The following NRG3 variants were observed in gnomAD, a reference collection of about 807,000 sequenced individuals.
NRG3 encodes pro-neuregulin-3, membrane-bound isoform.
A neutral mutation model predicts 66.9 loss-of-function variants in NRG3; 31 were observed. The observed-to-expected ratio is 0.46, with a 90% CI of 0.35 to 0.63. The LOEUF is 0.63. Among genes scored for constraint, NRG3 ranks in the 20% least tolerant of loss-of-function variants. NRG3 has a pLI of 0.00. For missense variants in NRG3, 910 were observed against 878.9 expected, an observed-to-expected ratio of 1.04 and a Z score of -0.45; for synonymous variants, 393 against 359.4, an observed-to-expected ratio of 1.09 and a Z score of -1.06.
At chr10:82,812,439 A>G (rs1349904606) in intron 3 of NRG3, among the ~76,000 whole-genome samples, 1 of 152,262 alleles carries the variant, frequency 6.6e-6, no homozygotes, top group East Asian at 1.9e-4. Context: ...ACATTTTGAC[A>G]TGAAGCAAAA....
At chr10:82,102,803 C>T (rs1434417100) in intron 1 of NRG3, among the ~76,000 whole-genome samples, 3 of 151,870 alleles carry the variant, frequency 2.0e-5, no homozygotes, top group Non-Finnish European at 4.4e-5. Context: ...CTTTATCTTA[C>T]TATTGTAATA....
intron 1 of NRG3, among the ~76,000 whole-genome samples, chr10:82,321,376 A>G (rs1157566646): frequency 6.6e-6 from 1 of 152,048 alleles, no homozygotes; most frequent in African/African-American, 2.4e-5. Flanking sequence ...AGTTCTTACA[A>G]TGTACCAAAA....
chr10:82,953,697 C>T (rs189076399), intron 5 of NRG3, among the ~76,000 whole-genome samples: 16 of 151,960 alleles, frequency 1.1e-4, no homozygotes, highest in Admixed American at 5.9e-4. Context: ...CATGGCCAGA[C>T]GCGGTGACTC....
chr10:82,927,468 A>G (rs1847117624), intron 4 of NRG3, among the ~76,000 whole-genome samples: 1 of 151,888 alleles, frequency 6.6e-6, no homozygotes, highest in Non-Finnish European at 1.5e-5. Context: ...TGTCATCATT[A>G]TTTCTCCTAA....
intron 1 of NRG3, among the ~76,000 whole-genome samples, chr10:81,941,563 G>T (rs932189720): frequency 6.6e-6 from 1 of 152,234 alleles, no homozygotes; most frequent in South Asian, 2.1e-4. Context: ...TCTCATGTCA[G>T]GCTAAGAGAT....
chr10:81,936,830 TTG>T (rs1473070703), intron 1 of NRG3, among the ~76,000 whole-genome samples: 2 of 152,042 alleles, frequency 1.3e-5, no homozygotes, highest in Admixed American at 6.6e-5. Flanking sequence ...CATGTGTAAA[TTG>T]TGTTTAAAAA....
chr10:82,028,181 C>G (rs1373802709), intron 1 of NRG3, among the ~76,000 whole-genome samples: 2 of 152,064 alleles, frequency 1.3e-5, no homozygotes, highest in Non-Finnish European at 2.9e-5. Context: ...ATGTCTGGAA[C>G]TGCAATGATT....
At position 82,864,177 on chromosome 10, in the gene NRG3, G is replaced by T. The variant is rs180686093; in HGVS notation, c.1028-1234G>T. Among the ~76,000 whole-genome samples, 309 of 152,106 alleles carry T rather than the reference G, an allele frequency of 2.0e-3. 2 individuals carry two copies. Among genetic ancestry groups the T allele is most frequent in the African/African-American group, 7.3e-3 (304 of 41,504 alleles). On this transcript the variant is annotated intron_variant, in intron 3 of 8. Coordinates refer to ENST00000372141, the MANE Select transcript of NRG3 (RefSeq NM_001010848.4). The stretch of plus-strand genomic sequence containing the variant: ...GAAGAATTTGGAAAAAAGGGGTGGT[G>T]GTTGTACAACGTTGTGAATGTATCA...
Position 82,107,807 on chromosome 10 carries a change from A to C in NRG3, c.823+231644A>C, listed in dbSNP as rs144343756. 3.2e-3 allele frequency among the ~76,000 whole-genome samples: 488 copies of C among 152,324 alleles called. 1 individual carries two copies. The highest frequency in any genetic ancestry group is 0.011 in the African/African-American group (469 of 41,558). ...AAATAGAGGAGGGAGTCAAAAAAAGAAAAATGTATGTTTAAAAAACAGAGT... is the reference window on the plus strand; with the variant it reads ...AAATAGAGGAGGGAGTCAAAAAAAGCAAAATGTATGTTTAAAAAACAGAGT... On this transcript the variant is annotated intron_variant, in intron 1 of 8. Transcript: ENST00000372141.
chr10:81,976,255 A>G (rs772600197), intron 1 of NRG3, among the ~76,000 whole-genome samples: 1 of 152,116 alleles, frequency 6.6e-6, no homozygotes, highest in Non-Finnish European at 1.5e-5. Flanking sequence ...CAAAAGAGAG[A>G]GAAAGCCCTT....
intron 1 of NRG3, among the ~76,000 whole-genome samples, chr10:82,203,799 T>TGG (rs1265826409): frequency 6.6e-6 from 1 of 152,158 alleles, no homozygotes; most frequent in Non-Finnish European, 1.5e-5. Context: ...GAAAGTTGGA[T>TGG]GGGTCAAATA....
intron 3 of NRG3, among the ~76,000 whole-genome samples, chr10:82,775,853 C>A (rs1027720641): frequency 6.6e-6 from 1 of 152,028 alleles, no homozygotes; most frequent in African/African-American, 2.4e-5. Flanking sequence ...ACAATTTATA[C>A]TTTTGTTGTC....
chr10:82,024,763 T>C (rs1212245643), intron 1 of NRG3, among the ~76,000 whole-genome samples: 1 of 152,104 alleles, frequency 6.6e-6, no homozygotes, highest in Non-Finnish European at 1.5e-5. Flanking sequence ...AGATCATTTC[T>C]AACCCCCTTC....
chr10:82,771,979 T>C (rs1171034026), intron 3 of NRG3, among the ~76,000 whole-genome samples: 2 of 152,178 alleles, frequency 1.3e-5, no homozygotes, highest in East Asian at 1.9e-4. Flanking sequence ...TCAAAATCTA[T>C]TTCCTTCTTC....
chr10:82,057,089 C>T (rs1450553148), intron 1 of NRG3, among the ~76,000 whole-genome samples: 1 of 151,908 alleles, frequency 6.6e-6, no homozygotes, highest in African/African-American at 2.4e-5. Flanking sequence ...TGGATCTTTC[C>T]ACTCTATTAT....
chr10:82,514,466 A>C (rs11194817), intron 2 of NRG3, among the ~76,000 whole-genome samples: 1 of 151,990 alleles, frequency 6.6e-6, no homozygotes, highest in African/African-American at 2.4e-5. Flanking sequence ...GCTTGTTTTC[A>C]TCAGGTTTGT....
At chr10:82,638,940 C>T (rs576943583) in intron 2 of NRG3, among the ~76,000 whole-genome samples, 1 of 152,206 alleles carries the variant, frequency 6.6e-6, no homozygotes, top group South Asian at 2.1e-4. Flanking sequence ...CCACTGTGCC[C>T]GGCCACATAT....
intron 1 of NRG3, among the ~76,000 whole-genome samples, chr10:82,002,492 G>A (rs1405268832): frequency 6.6e-6 from 1 of 152,160 alleles, no homozygotes; most frequent in East Asian, 1.9e-4. Context: ...TAATTCAGCA[G>A]CTGTGCAGTG....
intron 3 of NRG3, among the ~76,000 whole-genome samples, chr10:82,784,384 T>C (rs2060253894): frequency 6.6e-6 from 1 of 150,924 alleles, no homozygotes; most frequent in Non-Finnish European, 1.5e-5. Flanking sequence ...AAAGAGCTTC[T>C]GCACAGCAAA....
Sources: allele counts gnomAD v4.1 joint callset (sites outside exome capture counted in the v4.1 genomes callset), GRCh38; gene constraint gnomAD v4.1.1; transcripts MANE v1.5; gene names NCBI Gene and HGNC (gene_info 2026-07-23, HGNC 2026-07-21).